The following SLC9A3 variants were observed in gnomAD, a reference collection of about 807,000 sequenced individuals.
SLC9A3 encodes sodium/hydrogen exchanger 3.
In SLC9A3, 37 loss-of-function variants were observed where a neutral mutation model predicts 86.8. The ratio of observed to expected loss-of-function variants is 0.43; its 90% confidence interval spans 0.33 to 0.56. The LOEUF (loss-of-function observed/expected upper bound fraction) is 0.56, where lower values mean the gene tolerates loss of function less well. SLC9A3 is among the 20% of genes least tolerant of loss of function. SLC9A3 has a pLI of 0.06. For missense variants in SLC9A3, 1,011 were observed against 1,171.9 expected (o/e 0.86, Z 2.00); for synonymous variants, 581 against 528.3 (o/e 1.10, Z -1.37).
chr5:503,969 C>G (rs1463529229), intron 1 of SLC9A3, among the ~76,000 whole-genome samples: 1 of 152,132 alleles, frequency 6.6e-6, no homozygotes, highest in African/African-American at 2.4e-5. Context: ...TCTCAGGGTC[C>G]CACCCACCCC....
intron 1 of SLC9A3, among the ~76,000 whole-genome samples, chr5:518,713 G>T (rs1733804688): frequency 6.6e-6 from 1 of 152,222 alleles, no homozygotes; most frequent in Admixed American, 6.5e-5. Flanking sequence ...AGCCATTTCT[G>T]CAGTAGACAT....
At chr5:509,065 A>G (rs1740757492) in intron 1 of SLC9A3, among the ~76,000 whole-genome samples, 1 of 150,512 alleles carries the variant, frequency 6.6e-6, no homozygotes, top group Non-Finnish European at 1.5e-5. Context: ...CTGAGATCGC[A>G]CCACTGCATT....
chr5:521,629 A>G (rs937961707), intron 1 of SLC9A3, among the ~76,000 whole-genome samples: 1 of 151,712 alleles, frequency 6.6e-6, no homozygotes, highest in Non-Finnish European at 1.5e-5. Context: ...TTAAACAACA[A>G]AATGTGCCAA....
chr5:523,565 C>A (rs1406516138), intron 1 of SLC9A3, among the ~76,000 whole-genome samples: 1 of 149,122 alleles, frequency 6.7e-6, no homozygotes, highest in Non-Finnish European at 1.5e-5. Context: ...TCATTGGCGC[C>A]GGTTAAGAAG....
chr5:507,181 T>TTTTTTTTTTTTTTTTTTTTC (rs1740627959), intron 1 of SLC9A3, among the ~76,000 whole-genome samples: 1 of 80,436 alleles, frequency 1.2e-5, no homozygotes, highest in African/African-American at 5.6e-5. Context: ...TTTTTTTTTT[T>TTTTTTTTTTTTTTTTTTTTC]TTTTTGAGAC....
chr5:519,827 A>AG (rs1181061682), intron 1 of SLC9A3, among the ~76,000 whole-genome samples: 6 of 131,876 alleles, frequency 4.5e-5, no homozygotes, highest in African/African-American at 2.7e-5. Context: ...CGCCGCTCAG[A>AG]GGGGGGTGGG....
intron 1 of SLC9A3, among the ~76,000 whole-genome samples, chr5:503,023 A>G (rs1313463378): frequency 6.6e-6 from 1 of 152,072 alleles, no homozygotes; most frequent in African/African-American, 2.4e-5. Flanking sequence ...TTTATTTACA[A>G]CAACCAGTGG....
At chr5:486,938 C>T (rs1253554907) in intron 3 of SLC9A3, among the ~76,000 whole-genome samples, 1 of 96,968 alleles carries the variant, frequency 1.0e-5, no homozygotes, top group African/African-American at 3.5e-5. Context: ...TGACACCCAC[C>T]GCACTGACAC....
intron 1 of SLC9A3, among the ~76,000 whole-genome samples, chr5:522,649 T>C (rs1015751880): frequency 1.3e-5 from 2 of 149,276 alleles, no homozygotes; most frequent in Non-Finnish European, 3.0e-5. Flanking sequence ...TCCCAGCTAC[T>C]CGGGAGGCTG....
At chr5:473,796 C>T (rs1416975811) in intron 16 of SLC9A3, among the ~76,000 whole-genome samples, 1 of 152,252 alleles carries the variant, frequency 6.6e-6, no homozygotes, top group Non-Finnish European at 1.5e-5. Context: ...GCCCCTCTCC[C>T]TGCTCTGAGC....
chr5:481,223 T>G (rs1739144405), intron 9 of SLC9A3, among the ~76,000 whole-genome samples: 1 of 152,250 alleles, frequency 6.6e-6, no homozygotes, highest in Non-Finnish European at 1.5e-5. Flanking sequence ...TAACCCTGTT[T>G]ATGACGTGGA....
chr5:514,457 C>G (rs571754283), intron 1 of SLC9A3, among the ~76,000 whole-genome samples: 1 of 152,350 alleles, frequency 6.6e-6, no homozygotes, highest in East Asian at 1.9e-4. Flanking sequence ...CACCCTGCCC[C>G]CCGAGGCCCA....
intron 1 of SLC9A3, among the ~76,000 whole-genome samples, chr5:492,686 C>T (rs1739839258): frequency 6.6e-6 from 1 of 152,098 alleles, no homozygotes; most frequent in African/African-American, 2.4e-5. Context: ...CCTGCCGCCC[C>T]ACCGCCCGGC....
At chr5:494,066 G>A (rs930272059) in intron 1 of SLC9A3, among the ~76,000 whole-genome samples, 3 of 152,236 alleles carry the variant, frequency 2.0e-5, no homozygotes, top group East Asian at 1.9e-4. Context: ...GCAGGGTCCC[G>A]TCTGCTCCAG....
At chr5:477,298 TC>T in intron 11 of SLC9A3, 33 bp downstream of exon 11, 1 of 1,467,932 alleles carries the variant, frequency 6.8e-7, no homozygotes, top group Non-Finnish European at 9.4e-7. Flanking sequence ...GCTGGGCTCT[TC>T]CCCAGGGAAG....
chr5:485,338 C>A, intron 3 of SLC9A3, 107 bp from the exon 4 acceptor site: 3 of 870,458 alleles, frequency 3.4e-6, no homozygotes, highest in Non-Finnish European at 5.7e-6. Context: ...CCATGGCACC[C>A]GAGGCCGTTG....
At chr5:476,174 G>T (rs199771062) in intron 13 of SLC9A3, 28 bp downstream of exon 13, 2 of 1,611,884 alleles carry the variant, frequency 1.2e-6, no homozygotes, top group South Asian at 1.1e-5. Flanking sequence ...CCCCAGCCCC[G>T]CCAAGCCTCC....
In SLC9A3 at chr5:482,484, T is replaced by C. The variant is rs1326144376; in HGVS notation, c.1356+64A>G. ...GAGCCTGGAAATGCTTGTCCTGAAG[T>C]GCGGGCCCAGGCTCCCCTCGCGGGC... On this transcript the variant is annotated intron_variant, in intron 7 of 16. Transcript: ENST00000264938. The C allele has an allele frequency of 3.7e-6, 5 of 1,348,566 alleles. No homozygotes were observed. The Admixed American group carries it at 9.5e-5, about 26-fold the overall frequency. The allele number at this position is 1,348,566 out of a possible 1,614,324, so 83.5% of individuals were successfully genotyped here. A position where few individuals can be genotyped will look rare whatever the true frequency, so the allele number is the denominator to read the frequency against.
intron 1 of SLC9A3, among the ~76,000 whole-genome samples, chr5:511,170 C>G (rs1020665448): frequency 2.0e-5 from 3 of 152,142 alleles, no homozygotes; most frequent in Non-Finnish European, 4.4e-5. Context: ...TCACTGTTCT[C>G]GGATGGCAAG....
Sources: gnomAD v4.1 joint callset for allele counts (sites outside exome capture counted in the v4.1 genomes callset) on GRCh38, gnomAD v4.1.1 for gene constraint, MANE v1.5 for transcripts, NCBI Gene and HGNC (gene_info 2026-07-23, HGNC 2026-07-21) for gene names.